The following REPS2 variants were observed in gnomAD, a reference collection of about 807,000 sequenced individuals.
REPS2 encodes the protein ralBP1-associated Eps domain-containing protein 2.
REPS2 carries 23 observed loss-of-function variants against 53.6 expected under a neutral mutation model. The observed-to-expected ratio is 0.43, with a 90% CI of 0.31 to 0.61. The LOEUF is 0.61. Among genes scored for constraint, REPS2 ranks in the 20% least tolerant of loss-of-function variants. REPS2 has a pLI of 0.11. For synonymous variants in REPS2, 238 were observed against 218.6 expected (o/e 1.09, Z -0.78); for missense variants, 446 against 534.9 (o/e 0.83, Z 1.64).
intron 14 of REPS2, among the ~76,000 whole-genome samples, chrX:17,116,376 A>AT (rs201534625): frequency 0.021 from 2,346 of 109,183 alleles, 75 homozygotes; most frequent in African/African-American, 0.073. Flanking sequence ...CACCTGGCTA[A>AT]TTTTTTGTAT....
chrX:17,143,893 G>A (rs1184769748), intron 17 of REPS2, among the ~76,000 whole-genome samples: 2 of 111,546 alleles, frequency 1.8e-5, no homozygotes, highest in African/African-American at 6.5e-5. Flanking sequence ...TGTTTGTTGT[G>A]TTGTGTTGTA....
intron 5 of REPS2, among the ~76,000 whole-genome samples, chrX:17,034,484 C>T (rs1181984350): frequency 1.2e-4 from 13 of 110,461 alleles, no homozygotes; most frequent in Admixed American, 1.2e-3. Flanking sequence ...TTATTAGAGA[C>T]GGGGTTTCTC....
intron 1 of REPS2, among the ~76,000 whole-genome samples, chrX:16,953,100 AACACACACACACACACACACACACACAC>A (rs68090119): frequency 8.1e-4 from 79 of 97,237 alleles, no homozygotes; most frequent in African/African-American, 2.8e-3. Context: ...CCAAAAAACA[AACACACACACACACACACACACACACAC>A]ACACACACAC....
intron 14 of REPS2, among the ~76,000 whole-genome samples, chrX:17,132,789 C>T (rs994301781): frequency 1.8e-5 from 2 of 111,901 alleles, no homozygotes; most frequent in Non-Finnish European, 3.8e-5. Flanking sequence ...CCGCCTGCTT[C>T]GGCCTCCCAA....
chrX:17,157,707 C>A (rs954941571), downstream of REPS2, among the ~76,000 whole-genome samples: 3 of 112,097 alleles, frequency 2.7e-5, no homozygotes, highest in African/African-American at 9.7e-5. Flanking sequence ...ACAGAAGAGC[C>A]CTCAGCCTTC....
At chrX:16,959,327 G>A (rs2060633638) in intron 1 of REPS2, among the ~76,000 whole-genome samples, 1 of 112,096 alleles carries the variant, frequency 8.9e-6, no homozygotes, top group African/African-American at 3.2e-5. Context: ...TCACTCCTGG[G>A]CTCAAGTGAT....
chrX:16,952,999 C>T (rs2060535158), intron 1 of REPS2, among the ~76,000 whole-genome samples: 1 of 109,726 alleles, frequency 9.1e-6, no homozygotes, highest in East Asian at 2.9e-4. Context: ...TTGCTTGAAC[C>T]GGAGAGGCGA....
chrX:16,972,002 A>G lies in REPS2; in HGVS notation c.273+24868A>G, dbSNP rs1465969546. On this transcript the variant is annotated intron_variant, in intron 1 of 17. Transcript: ENST00000357277. Reference sequence around the variant, plus strand: ...GACTGGGTGTAAGTGGCTTGAGAAAATATATTGGAGACTAAAGTGGGGCTG... The same window carrying G: ...GACTGGGTGTAAGTGGCTTGAGAAAGTATATTGGAGACTAAAGTGGGGCTG... Among the ~76,000 whole-genome samples, 3 of 112,051 alleles carry G rather than the reference A, an allele frequency of 2.7e-5. No homozygotes were observed. In the Admixed American group the frequency reaches 2.9e-4, roughly 11 times the overall value.
At chrX:16,996,838 A>C (rs1048183023) in intron 1 of REPS2, among the ~76,000 whole-genome samples, 3 of 111,952 alleles carry the variant, frequency 2.7e-5, no homozygotes, top group African/African-American at 9.8e-5. Context: ...CCTCTCACTT[A>C]GGCACTCACT....
At chrX:17,090,910 G>A (rs146587051) in intron 13 of REPS2, among the ~76,000 whole-genome samples, 150 of 112,000 alleles carry the variant, frequency 1.3e-3, no homozygotes, top group Middle Eastern at 4.6e-3. Context: ...TGTATAAGGT[G>A]TGAGGTAAGG....
chrX:17,166,189 G>T, the REPS2 span, among the ~76,000 whole-genome samples: 1 of 111,099 alleles, frequency 9.0e-6, no homozygotes, highest in African/African-American at 3.3e-5. Flanking sequence ...GGTGGAAGAG[G>T]TGTTGCTTTC....
chrX:17,075,775 G>A (rs1168005614), intron 12 of REPS2, among the ~76,000 whole-genome samples: 3 of 112,645 alleles, frequency 2.7e-5, no homozygotes, highest in Non-Finnish European at 3.7e-5. Flanking sequence ...CAGTGTGCAC[G>A]CATACACATT....
the REPS2 span, among the ~76,000 whole-genome samples, chrX:17,185,614 C>T: frequency 8.9e-6 from 1 of 111,856 alleles, no homozygotes; most frequent in Non-Finnish European, 1.9e-5. Context: ...GCAATTCCGC[C>T]TTTCACATTA....
intron 14 of REPS2, among the ~76,000 whole-genome samples, chrX:17,115,892 C>T (rs1454486059): frequency 8.9e-6 from 1 of 111,980 alleles, no homozygotes; most frequent in Non-Finnish European, 1.9e-5. Flanking sequence ...GAATTTTTCT[C>T]AGTACAGAAC....
In REPS2 at chrX:17,047,478, T is replaced by A. The variant is rs2061924535; in HGVS notation, c.903T>A (p.Ile301=). ...TTCAGCCAGACCCAAGCTCTTTCAT[T>A]TCAGGTAAGAATGTGGGCTCCCTAG... ...RSLQPDPSSF[I]SGSVAKNFFT... The change falls in exon 6 of 18, where the codon ATT becomes ATA. Residue 301 remains isoleucine, a synonymous_variant. Transcript: ENST00000357277. 4 of 1,209,351 alleles carry A rather than the reference T, an allele frequency of 3.3e-6. No homozygotes were observed. In the East Asian group the frequency reaches 1.2e-4, roughly 36 times the overall value.
At chrX:17,014,656 C>T (rs756656484) in intron 2 of REPS2, among the ~76,000 whole-genome samples, 1 of 111,005 alleles carries the variant, frequency 9.0e-6, no homozygotes, top group Admixed American at 9.6e-5. Flanking sequence ...TCTTTGTTAA[C>T]GTATAAGTAG....
intron 14 of REPS2, among the ~76,000 whole-genome samples, chrX:17,108,897 A>C (rs909758220): frequency 7.4e-5 from 8 of 108,493 alleles, no homozygotes; most frequent in African/African-American, 2.3e-4. Context: ...CAATGAAATT[A>C]GTTTTAAAGA....
the REPS2 span, among the ~76,000 whole-genome samples, chrX:17,182,901 A>C: frequency 8.9e-6 from 1 of 112,416 alleles, no homozygotes; most frequent in South Asian, 3.7e-4. Context: ...AACAAGTAGT[A>C]AATGGCACAG....
At chrX:17,062,032 C>T (rs1385140443) in intron 8 of REPS2, among the ~76,000 whole-genome samples, 1 of 112,265 alleles carries the variant, frequency 8.9e-6, no homozygotes, top group Non-Finnish European at 1.9e-5. Context: ...GTTAATGTCC[C>T]TATACATTAG....
Sources: allele counts gnomAD v4.1 joint callset (sites outside exome capture counted in the v4.1 genomes callset), GRCh38; gene constraint gnomAD v4.1.1; transcripts MANE v1.5; gene names NCBI Gene and HGNC (gene_info 2026-07-23, HGNC 2026-07-21).